The following EYA3 variants were observed in gnomAD, a reference collection of about 807,000 sequenced individuals.
EYA3 encodes EYA transcriptional coactivator and phosphatase 3.
A neutral mutation model predicts 80.0 loss-of-function variants in EYA3; 39 were observed. The observed-to-expected ratio is 0.49, with a 90% CI of 0.38 to 0.64. The LOEUF is 0.64. Among genes scored for constraint, EYA3 ranks in the 30% least tolerant of loss-of-function variants. The pLI is 0.00. For missense variants in EYA3, 523 were observed against 676.1 expected, an observed-to-expected ratio of 0.77 and a Z score of 2.51; for synonymous variants, 206 against 232.8, an observed-to-expected ratio of 0.88 and a Z score of 1.05.
intron 1 of EYA3, among the ~76,000 whole-genome samples, chr1:28,065,051 G>A (rs1301656966): frequency 3.3e-5 from 5 of 152,170 alleles, no homozygotes; most frequent in Non-Finnish European, 7.3e-5. Context: ...CTTCCAAGGG[G>A]GGGATACACT....
intron 1 of EYA3, among the ~76,000 whole-genome samples, chr1:28,084,999 C>T (rs920816794): frequency 3.9e-5 from 6 of 152,048 alleles, no homozygotes; most frequent in South Asian, 2.1e-4. Context: ...TTGGACAAAC[C>T]GCTACCTAAA....
At chr1:28,042,767 C>A in intron 3 of EYA3, 117 bp from the exon 4 acceptor site, 1 of 789,102 alleles carries the variant, frequency 1.3e-6, no homozygotes, top group Middle Eastern at 2.3e-4. Flanking sequence ...AGTAAATCTT[C>A]GTGATATCCT....
chr1:28,054,029 T>C lies in EYA3; in HGVS notation c.33+3965A>G, dbSNP rs1038883395. 8.5e-5 allele frequency among the ~76,000 whole-genome samples: 13 copies of C among 152,186 alleles called. No individual in the cohort carries two copies. The East Asian group carries it at 2.5e-3, about 29-fold the overall frequency. ...GTCATGGAGACTATAAAAAGGATGT[T>C]TATGTCAAGATTTATCCAACACTGT... On this transcript the variant is annotated intron_variant, in intron 2 of 17. Transcript: ENST00000373871.
chr1:28,023,086 G>A, intron 7 of EYA3, among the ~76,000 whole-genome samples: 1 of 2,446 alleles, frequency 4.1e-4, no homozygotes, highest in African/African-American at 4.3e-4. Context: ...GCTGGGTGGG[G>A]GGGGGGGGGA....
At chr1:28,068,644 C>T (rs2148923700) in intron 1 of EYA3, among the ~76,000 whole-genome samples, 1 of 151,966 alleles carries the variant, frequency 6.6e-6, no homozygotes, top group South Asian at 2.1e-4. Context: ...AAGATTCAGA[C>T]TCAGAGAGCT....
intron 7 of EYA3, among the ~76,000 whole-genome samples, chr1:28,027,244 A>C (rs1316806545): frequency 6.6e-6 from 1 of 152,188 alleles, no homozygotes; most frequent in African/African-American, 2.4e-5. Flanking sequence ...ACTCTGTTAG[A>C]GGAAGAACTT....
At chr1:28,022,811 G>C (rs1642529936) in intron 7 of EYA3, among the ~76,000 whole-genome samples, 1 of 151,894 alleles carries the variant, frequency 6.6e-6, no homozygotes, top group South Asian at 2.1e-4. Context: ...ACCTCCTAAG[G>C]CTCAGGCGAT....
At chr1:28,050,210 T>G (rs1284898153) in intron 2 of EYA3, among the ~76,000 whole-genome samples, 3 of 140,640 alleles carry the variant, frequency 2.1e-5, no homozygotes, top group African/African-American at 7.7e-5. Flanking sequence ...TTATTTTTTT[T>G]GAGACAGGGT....
intron 10 of EYA3, among the ~76,000 whole-genome samples, chr1:28,008,669 C>G (rs982444965): frequency 4.6e-5 from 7 of 152,084 alleles, no homozygotes; most frequent in Non-Finnish European, 1.0e-4. Flanking sequence ...TAAAAGTGGG[C>G]AAAGGTTCTC....
chr1:28,073,136 T>A (rs1323490083), intron 1 of EYA3, among the ~76,000 whole-genome samples: 1 of 90,026 alleles, frequency 1.1e-5, no homozygotes, highest in African/African-American at 4.7e-5. Flanking sequence ...TATTTTTTTT[T>A]TTTTTTTTTT....
intron 5 of EYA3, among the ~76,000 whole-genome samples, chr1:28,036,442 G>A (rs1361374784): frequency 6.6e-6 from 1 of 152,186 alleles, no homozygotes; most frequent in East Asian, 1.9e-4. Flanking sequence ...AGTGAGACTG[G>A]AAAAGCGGGT....
chr1:28,083,116 G>A (rs1645490416), intron 1 of EYA3, among the ~76,000 whole-genome samples: 2 of 152,168 alleles, frequency 1.3e-5, no homozygotes, highest in Non-Finnish European at 2.9e-5. Flanking sequence ...TAACTCAGGA[G>A]CCAAAAAGAC....
chr1:28,037,803 AAAAG>A (rs909282225), intron 5 of EYA3, among the ~76,000 whole-genome samples: 5 of 152,220 alleles, frequency 3.3e-5, no homozygotes, highest in African/African-American at 7.2e-5. Context: ...ATAACCAGGG[AAAAG>A]AAAGACAGTT....
rs375191135 is a variant in EYA3, at chr1:27,988,660, T to C, written c.1419-4A>G. 4.4e-5 allele frequency: 71 copies of C among 1,613,022 alleles called. No individual in the cohort carries two copies. The highest frequency in any genetic ancestry group is 5.8e-5 in the Non-Finnish European group (69 of 1,179,770). ...CAGAACATTCACACAATTCTTTCTATAAGGGAGTAAAAGGGAAAAGAAAAG... is the reference window on the plus strand; with the variant it reads ...CAGAACATTCACACAATTCTTTCTACAAGGGAGTAAAAGGGAAAAGAAAAG... On this transcript the variant is annotated splice_region_variant and splice_polypyrimidine_tract_variant and intron_variant, in intron 15 of 17. Transcript: ENST00000373871.
intron 5 of EYA3, 74 bp downstream of exon 5, chr1:28,038,752 TATTATTTTAGAGG>T: frequency 1.4e-6 from 1 of 701,284 alleles, no homozygotes; most frequent in Non-Finnish European, 2.3e-6. Flanking sequence ...TTTAAATATC[TATTATTTTAGAGG>T]AAAAATAATA....
intron 3 of EYA3, among the ~76,000 whole-genome samples, chr1:28,043,330 GAAA>G (rs59720447): frequency 0.083 from 10,340 of 125,130 alleles, 683 homozygotes; most frequent in East Asian, 0.27. Flanking sequence ...GCTTTTTTGT[GAAA>G]AAAAAAAAAA....
chr1:28,002,825 A>T (rs1421008751), intron 11 of EYA3, among the ~76,000 whole-genome samples: 1 of 151,880 alleles, frequency 6.6e-6, no homozygotes, highest in Non-Finnish European at 1.5e-5. Context: ...AGAAAAAAAA[A>T]ACACAAACCT....
At chr1:28,060,063 T>C (rs551070351) in intron 1 of EYA3, among the ~76,000 whole-genome samples, 1 of 152,268 alleles carries the variant, frequency 6.6e-6, no homozygotes, top group African/African-American at 2.4e-5. Flanking sequence ...ACTTACAACA[T>C]TACATGTTTT....
At chr1:28,081,597 G>A (rs1335985745) in intron 1 of EYA3, among the ~76,000 whole-genome samples, 1 of 152,126 alleles carries the variant, frequency 6.6e-6, no homozygotes, top group African/African-American at 2.4e-5. Context: ...GGTAAAGAGA[G>A]TGAGATTATC....
Sources: gnomAD v4.1 joint callset for allele counts (sites outside exome capture counted in the v4.1 genomes callset) on GRCh38, gnomAD v4.1.1 for gene constraint, MANE v1.5 for transcripts, NCBI Gene and HGNC (gene_info 2026-07-23, HGNC 2026-07-21) for gene names.